The following SLC33A2 variants were observed in gnomAD, a reference collection of about 807,000 sequenced individuals.
SLC33A2 encodes major facilitator superfamily domain containing 3.
chr8:144,510,458 T>A, the SLC33A2 span: 1 of 1,612,802 alleles, frequency 6.2e-7, no homozygotes. Flanking sequence ...TGCTGTGGTC[T>A]GCTCCATCGC....
chr8:144,510,005 C>T, the SLC33A2 span: 5 of 1,594,978 alleles, frequency 3.1e-6, no homozygotes, highest in Admixed American at 1.7e-5. Flanking sequence ...TTGTGCTCAC[C>T]TACAAGCTGG....
chr8:144,511,144 G>T, the SLC33A2 span: 1 of 1,610,178 alleles, frequency 6.2e-7, no homozygotes. Context: ...CCTGGACCTA[G>T]CACCCAGCAC....
chr8:144,511,081 C>G, the SLC33A2 span: 3 of 1,608,746 alleles, frequency 1.9e-6, no homozygotes, highest in African/African-American at 4.0e-5. Context: ...TGGGTTGGGG[C>G]CACATCCCTG....
chr8:144,510,212 GCT>G, the SLC33A2 span: 3 of 1,337,682 alleles, frequency 2.2e-6, no homozygotes, highest in Non-Finnish European at 2.0e-6. Context: ...ATCCCTGAGC[GCT>G]CTCTCGGGCT....
chr8:144,509,876 C>T, the SLC33A2 span: 8 of 1,544,000 alleles, frequency 5.2e-6, no homozygotes, highest in Non-Finnish European at 6.9e-6. Context: ...CGGCCCTGGC[C>T]TGGGCTGCAC....
At chr8:144,510,852 C>T in the SLC33A2 span, 3 of 1,610,422 alleles carry the variant, frequency 1.9e-6, no homozygotes. Flanking sequence ...TCACCACAGT[C>T]ACCTTCACTG....
chr8:144,510,008 C>T, the SLC33A2 span: 1 of 1,594,552 alleles, frequency 6.3e-7, no homozygotes, highest in Non-Finnish European at 8.5e-7. Context: ...TGCTCACCTA[C>T]AAGCTGGGTG....
chr8:144,510,424 G>A, the SLC33A2 span: 1 of 1,612,896 alleles, frequency 6.2e-7, no homozygotes, highest in South Asian at 1.1e-5. Flanking sequence ...CTGCTCCCGA[G>A]TTGGGACTGT....
chr8:144,511,198 G>A, the SLC33A2 span: 4 of 1,595,946 alleles, frequency 2.5e-6, no homozygotes, highest in South Asian at 2.2e-5. Flanking sequence ...AAAGCCACAT[G>A]TGCCTGTGGC....
the SLC33A2 span, chr8:144,510,043 G>C: frequency 6.3e-7 from 1 of 1,579,170 alleles, no homozygotes; most frequent in Non-Finnish European, 8.5e-7. Context: ...CCAGGCAACA[G>C]CAGTTGGGGC....
the SLC33A2 span, chr8:144,509,421 C>T: frequency 2.6e-6 from 4 of 1,531,386 alleles, no homozygotes; most frequent in African/African-American, 4.2e-5. Context: ...GCCAGTGCTG[C>T]TGCGTGCCGG....
the SLC33A2 span, chr8:144,510,057 C>G: frequency 6.4e-7 from 1 of 1,564,502 alleles, no homozygotes; most frequent in East Asian, 2.3e-5. Context: ...TTGGGGCTTC[C>G]GGGACAGCTC....
At chr8:144,510,853 A>G in the SLC33A2 span, 1 of 1,610,316 alleles carries the variant, frequency 6.2e-7, no homozygotes, top group South Asian at 1.1e-5. Flanking sequence ...CACCACAGTC[A>G]CCTTCACTGG....
the SLC33A2 span, chr8:144,510,343 C>A: frequency 1.9e-6 from 3 of 1,610,772 alleles, no homozygotes; most frequent in Non-Finnish European, 2.5e-6. Flanking sequence ...GTGCTCATGC[C>A]CCCCCCACCA....
chr8:144,509,364 C>T, the SLC33A2 span: 53 of 1,492,560 alleles, frequency 3.6e-5, no homozygotes, highest in African/African-American at 6.6e-4. Context: ...GCTGGCCGGC[C>T]TCTACCTGGT....
chr8:144,510,615 T>C, the SLC33A2 span: 15 of 1,578,536 alleles, frequency 9.5e-6, no homozygotes, highest in Non-Finnish European at 1.3e-5. Flanking sequence ...CTGCCTCTGT[T>C]GAGGTCGGTG....
chr8:144,510,722 G>A, the SLC33A2 span: 4 of 1,592,588 alleles, frequency 2.5e-6, no homozygotes, highest in Admixed American at 3.4e-5. Context: ...AATCTTGAGA[G>A]GTGAGGGGCT....
At chr8:144,510,378 G>A in the SLC33A2 span, 3 of 1,612,516 alleles carry the variant, frequency 1.9e-6, no homozygotes, top group Admixed American at 5.0e-5. Context: ...GGTGCCAGCA[G>A]CCTGTTTCCT....
At chr8:144,510,886 GC>G in the SLC33A2 span, 2 of 1,606,688 alleles carry the variant, frequency 1.2e-6, no homozygotes, top group Non-Finnish European at 8.5e-7. Flanking sequence ...CAGCCAGCTG[GC>G]CCCCAGGGCC....
Sources: gnomAD v4.1 joint callset for allele counts on GRCh38, gnomAD v4.1.1 for gene constraint, MANE v1.5 for transcripts, NCBI Gene and HGNC (gene_info 2026-07-23, HGNC 2026-07-21) for gene names.